The following FAM20C variants were observed in gnomAD, a reference collection of about 807,000 sequenced individuals.
FAM20C encodes FAM20C golgi associated secretory pathway kinase, also known as extracellular serine/threonine protein kinase FAM20C.
A neutral mutation model predicts 51.5 loss-of-function variants in FAM20C; 40 were observed. That is an observed-to-expected ratio of 0.78 (90% CI 0.60 to 1.01). The LOEUF (loss-of-function observed/expected upper bound fraction) is 1.01, where lower values mean the gene tolerates loss of function less well. Ranked by LOEUF, FAM20C falls within the 50% of genes least tolerant of loss-of-function variation. The pLI is 0.00. For synonymous variants in FAM20C, 406 were observed against 380.6 expected (o/e 1.07, Z -0.78); for missense variants, 861 against 844.7 (o/e 1.02, Z -0.24).
At chr7:203,587 G>C (rs1479709091) in intron 2 of FAM20C, among the ~76,000 whole-genome samples, 1 of 152,216 alleles carries the variant, frequency 6.6e-6, no homozygotes, top group Non-Finnish European at 1.5e-5. Context: ...AATTCCAAAT[G>C]TCTTTCAGCA....
chr7:198,542 C>T (rs950388929), intron 2 of FAM20C, among the ~76,000 whole-genome samples: 1 of 152,226 alleles, frequency 6.6e-6, no homozygotes, highest in African/African-American at 2.4e-5. Flanking sequence ...TCACATGTTC[C>T]TCTGAGGAAC....
intron 3 of FAM20C, among the ~76,000 whole-genome samples, chr7:233,526 G>T (rs1787761514): frequency 6.6e-6 from 1 of 152,184 alleles, no homozygotes. Context: ...GGACGTGCAG[G>T]CTGAGCTCCC....
chr7:205,734 G>A (rs1434903904), intron 2 of FAM20C, among the ~76,000 whole-genome samples: 1 of 152,156 alleles, frequency 6.6e-6, no homozygotes, highest in African/African-American at 2.4e-5. Context: ...GTGAAGCCCT[G>A]TGGATGGTGG....
intron 3 of FAM20C, among the ~76,000 whole-genome samples, chr7:235,553 C>T (rs1388574437): frequency 6.6e-6 from 1 of 152,212 alleles, no homozygotes; most frequent in African/African-American, 2.4e-5. Flanking sequence ...TGTTTATCGT[C>T]ACATAAAAAG....
intron 9 of FAM20C, among the ~76,000 whole-genome samples, chr7:259,064 G>A (rs143281604): frequency 0.051 from 7,795 of 152,336 alleles, 265 homozygotes; most frequent in Non-Finnish European, 0.078. Context: ...TTCTGCGGGG[G>A]TTCAGACCCC....
chr7:217,088 C>T (rs867584865), intron 3 of FAM20C, among the ~76,000 whole-genome samples: 4 of 152,144 alleles, frequency 2.6e-5, no homozygotes, highest in African/African-American at 4.8e-5. Flanking sequence ...CCTCCTCTAC[C>T]GAGCGAAGGG....
intron 8 of FAM20C, among the ~76,000 whole-genome samples, chr7:257,976 TA>T (rs1788677377): frequency 1.1e-5 from 1 of 90,392 alleles, no homozygotes; most frequent in Non-Finnish European, 2.2e-5. Flanking sequence ...GTGCTGGAGA[TA>T]GGCAGTGTGG....
intron 3 of FAM20C, chr7:228,130 C>T (rs1787515175): frequency 6.9e-6 from 2 of 291,368 alleles, no homozygotes; most frequent in South Asian, 6.9e-5. Flanking sequence ...CAGTCAGGCG[C>T]ACAGGCCTGT....
chr7:259,913 G>C lies in FAM20C; in HGVS notation c.1688G>C (p.Arg563Thr). 6.5e-7 allele frequency: 1 copy of C among 1,535,206 alleles called. No homozygotes were observed. Among genetic ancestry groups the C allele is most frequent in the Non-Finnish European group, 8.7e-7 (1 of 1,145,978 alleles). Residue 563 changes from arginine to threonine, a missense_variant, in exon 10 of 10, where the codon AGG becomes ACG. Physicochemically the swap from Arg to Thr is moderately conservative, Grantham distance 71 (BLOSUM62 -1). Coordinates refer to ENST00000313766, the MANE Select transcript of FAM20C (RefSeq NM_020223.4). ...AAGGCCGTCCGGGACTGCGTGGAGA[G>C]GAACGGGCTCCACAGCGTGGTGGAT... ...VLKAVRDCVE[R>T]NGLHSVVDDD...
intron 2 of FAM20C, 91 bp from the exon 3 acceptor site, chr7:208,806 AC>A: frequency 7.7e-7 from 1 of 1,304,502 alleles, no homozygotes; most frequent in Non-Finnish European, 1.1e-6. Context: ...TGCCCAGAGG[AC>A]CCGGATTGCA....
intron 1 of FAM20C, 125 bp from the exon 2 acceptor site, chr7:195,429 C>G: frequency 1.1e-6 from 1 of 946,604 alleles, no homozygotes; most frequent in Non-Finnish European, 1.4e-6. Flanking sequence ...GCAGAGGCGC[C>G]TTCAACACAT....
At chr7:196,619 C>T (rs1785886332) in intron 2 of FAM20C, among the ~76,000 whole-genome samples, 1 of 152,182 alleles carries the variant, frequency 6.6e-6, no homozygotes, top group South Asian at 2.1e-4. Flanking sequence ...CCAGCAGTCC[C>T]AGGCATTAGC....
chr7:241,398 C>G (rs909878095), intron 3 of FAM20C, among the ~76,000 whole-genome samples: 2 of 151,930 alleles, frequency 1.3e-5, no homozygotes, highest in Non-Finnish European at 2.9e-5. Flanking sequence ...AGCTTTGAGT[C>G]TCTTTGCAGG....
chr7:260,659 CTG>C lies in FAM20C; in HGVS notation c.*682_*683del, dbSNP rs1278334013. ...GTGCAAGTGCATCCTGCAGGGCTGGCTGTGCGCAGCTGTGGGCTGACCTTTGC... is the reference window on the plus strand; with the variant it reads ...GTGCAAGTGCATCCTGCAGGGCTGGCTGCGCAGCTGTGGGCTGACCTTTGC... On this transcript the variant is annotated 3_prime_UTR_variant, in exon 10 of 10. Coordinates refer to ENST00000313766, the MANE Select transcript of FAM20C (RefSeq NM_020223.4). The C allele has an allele frequency of 6.6e-6, 1 of 152,330 alleles. No individual in the cohort carries two copies. Among genetic ancestry groups the C allele is most frequent in the African/African-American group, 2.4e-5 (1 of 41,472 alleles). 9.4% of individuals were successfully genotyped at this position (152,330 alleles called of 1,614,324 possible). A position where few individuals can be genotyped will look rare whatever the true frequency, so the allele number is the denominator to read the frequency against.
chr7:235,509 G>A (rs1272868577), intron 3 of FAM20C, among the ~76,000 whole-genome samples: 2 of 152,192 alleles, frequency 1.3e-5, no homozygotes, highest in Non-Finnish European at 2.9e-5. Flanking sequence ...CAGCTTGTTT[G>A]TTTTAATAAT....
chr7:256,805 T>TG, intron 7 of FAM20C, 42 bp downstream of exon 7: 1 of 1,515,264 alleles, frequency 6.6e-7, no homozygotes, highest in Non-Finnish European at 8.9e-7. Context: ...TCACTCGCCT[T>TG]GCGTGGAGCG....
chr7:253,558 T>A (rs1788478280), intron 5 of FAM20C, among the ~76,000 whole-genome samples: 1 of 136,496 alleles, frequency 7.3e-6, no homozygotes, highest in African/African-American at 2.8e-5. Flanking sequence ...AAGCCCCCAC[T>A]CCAAGTGCAG....
rs754807270 is a variant in FAM20C, at chr7:258,325, G to A, written c.1446-321G>A. Among the ~76,000 whole-genome samples the A allele has an allele frequency of 2.4e-3, 112 of 47,380 alleles. 9 individuals carry two copies. The highest frequency in any genetic ancestry group is 3.0e-3 in the African/African-American group (22 of 7,402). The allele number at this position is 47,380 out of a possible 152,430, so 31.1% of individuals were successfully genotyped here. On this transcript the variant is annotated intron_variant, in intron 8 of 9. Transcript: ENST00000313766. ...ATGGGTGGGATGGACCCACTGCCCG[G>A]GGTGCTGGAGATGGGCAGGGTGGAC...
Position 256,037 on chromosome 7 carries a change from C to T in FAM20C, c.1253+8C>T, listed in dbSNP as rs932393277. On this transcript the variant is annotated splice_region_variant and intron_variant, in intron 6 of 9. Coordinates refer to ENST00000313766, the MANE Select transcript of FAM20C (RefSeq NM_020223.4). ...CAAGCGCAAGAAGGCCGAGTGAGTG[C>T]GGGGCCGGGGGGCTGGCGTCCGGCC... 1.0e-5 allele frequency: 16 copies of T among 1,533,004 alleles called. No individual in the cohort carries two copies. The highest frequency in any genetic ancestry group is 6.0e-5 in the South Asian group (5 of 83,924). The allele number at this position is 1,533,004 out of a possible 1,614,324, so 95.0% of individuals were successfully genotyped here. A position where few individuals can be genotyped will look rare whatever the true frequency, so the allele number is the denominator to read the frequency against.
Sources: allele counts gnomAD v4.1 joint callset (sites outside exome capture counted in the v4.1 genomes callset), GRCh38; gene constraint gnomAD v4.1.1; transcripts MANE v1.5; gene names NCBI Gene and HGNC (gene_info 2026-07-23, HGNC 2026-07-21).